Variants in NPHP4 observed in about 807,000 individuals in gnomAD.
The protein encoded by NPHP4 is nephrocystin 4.
Under a neutral mutation model 155.8 loss-of-function variants are expected in NPHP4, and 151 were observed. That is an observed-to-expected ratio of 0.97 (90% CI 0.85 to 1.11). The LOEUF is 1.11. Among genes scored for constraint, NPHP4 ranks in the 50% least tolerant of loss-of-function variants. The probability of loss-of-function intolerance (pLI) is 0.00; values close to 1 mark genes in which losing one functional copy is unlikely to be tolerated. For synonymous variants in NPHP4, 845 were observed against 816.8 expected, an observed-to-expected ratio of 1.03 and a Z score of -0.59; for missense variants, 1,956 against 1,925.7, an observed-to-expected ratio of 1.02 and a Z score of -0.29.
At chr1:5,977,538 A>C (rs1212357324) in intron 3 of NPHP4, among the ~76,000 whole-genome samples, 2 of 151,980 alleles carry the variant, frequency 1.3e-5, no homozygotes, top group Non-Finnish European at 1.5e-5. Context: ...TTACCTGCTC[A>C]GTGCGTCTCC....
chr1:5,990,029 T>G lies in NPHP4; in HGVS notation c.-39+2215A>C, dbSNP rs546697002. Among the ~76,000 whole-genome samples, 16 of 152,336 alleles carry G rather than the reference T, an allele frequency of 1.1e-4. No individual in the cohort carries two copies. In the East Asian group the frequency reaches 2.9e-3, roughly 28 times the overall value. Reference sequence around the variant, plus strand: ...GAGGCCGAGGTGACACCTGAGACTCTGCAGGTGGGAGCCCAAGCGCCCGCA... The same window carrying G: ...GAGGCCGAGGTGACACCTGAGACTCGGCAGGTGGGAGCCCAAGCGCCCGCA... On this transcript the variant is annotated intron_variant, in intron 1 of 29. Transcript: ENST00000378156.
intron 12 of NPHP4, 144 bp downstream of exon 12, chr1:5,909,008 G>A (rs1264962797): frequency 2.7e-6 from 2 of 732,134 alleles, no homozygotes; most frequent in Non-Finnish European, 4.9e-6. Flanking sequence ...GGGTAGGAGG[G>A]GACAGCCCCG....
At chr1:5,937,413 T>C (rs151136155) in intron 9 of NPHP4, among the ~76,000 whole-genome samples, 1 of 152,400 alleles carries the variant, frequency 6.6e-6, no homozygotes, top group African/African-American at 2.4e-5. Flanking sequence ...TGATGGCTTC[T>C]GTCCTCAGAT....
chr1:5,969,351 A>C, intron 3 of NPHP4, 92 bp from the exon 4 acceptor site: 1 of 719,392 alleles, frequency 1.4e-6, no homozygotes, highest in Non-Finnish European at 2.2e-6. Context: ...CCGCCTTCCT[A>C]CACGTGCCAC....
intron 20 of NPHP4, among the ~76,000 whole-genome samples, chr1:5,875,735 G>A (rs568013745): frequency 6.6e-6 from 1 of 152,352 alleles, no homozygotes; most frequent in East Asian, 1.9e-4. Context: ...AGGCTGCCTT[G>A]CAAGATCTCA....
At chr1:5,947,794 T>C (rs527365208) in intron 8 of NPHP4, among the ~76,000 whole-genome samples, 1 of 152,234 alleles carries the variant, frequency 6.6e-6, no homozygotes, top group Non-Finnish European at 1.5e-5. Flanking sequence ...GAAGGCAGCA[T>C]GCAAGGCCTC....
intron 11 of NPHP4, among the ~76,000 whole-genome samples, chr1:5,919,524 C>G (rs1645631606): frequency 6.6e-6 from 1 of 152,214 alleles, no homozygotes; most frequent in Non-Finnish European, 1.5e-5. Context: ...TGGCACATCA[C>G]AGACTCTCCG....
chr1:5,869,115 GCA>G (rs548954549), intron 23 of NPHP4, among the ~76,000 whole-genome samples: 101 of 115,442 alleles, frequency 8.7e-4, no homozygotes, highest in African/African-American at 2.9e-3. Flanking sequence ...GCACCCACAT[GCA>G]CACACGCACA....
Position 5,904,775 on chromosome 1 carries a change from C to A in NPHP4, c.1985G>T (p.Trp662Leu). ...GAAGGTGAAATACACAGTCTTTGGCCATGATGTTCCTCGGCAGTCCTGGGC... is the reference window on the plus strand; with the variant it reads ...GAAGGTGAAATACACAGTCTTTGGCAATGATGTTCCTCGGCAGTCCTGGGC... ...RVAQDCRGTS[W>L]PKTVYFTFQF... The change falls in exon 16 of 30, where the codon TGG (tryptophan) becomes TTG (leucine). Residue 662 changes from tryptophan (W) to leucine (L), a missense_variant. Coordinates refer to ENST00000378156, the MANE Select transcript of NPHP4 (RefSeq NM_015102.5). 1 of 1,613,984 alleles carries A rather than the reference C, an allele frequency of 6.2e-7. No homozygotes were observed. The highest frequency in any genetic ancestry group is 8.5e-7 in the Non-Finnish European group (1 of 1,179,898).
chr1:5,866,300 C>T (rs374572581), intron 26 of NPHP4, 73 bp downstream of exon 26: 1 of 994,986 alleles, frequency 1.0e-6, no homozygotes, highest in Non-Finnish European at 1.6e-6. Context: ...ACTTTCAATC[C>T]ACCAGCAGCC....
chr1:5,908,202 G>A (rs1645006985), intron 12 of NPHP4, among the ~76,000 whole-genome samples: 2 of 152,240 alleles, frequency 1.3e-5, no homozygotes, highest in South Asian at 4.1e-4. Context: ...GCTTCCCTCA[G>A]ACCCTATACG....
intron 16 of NPHP4, among the ~76,000 whole-genome samples, chr1:5,893,598 T>C (rs1210815189): frequency 6.6e-6 from 1 of 152,194 alleles, no homozygotes; most frequent in Non-Finnish European, 1.5e-5. Flanking sequence ...GAAGGCGGAC[T>C]AGGAGCGTGA....
intron 5 of NPHP4, among the ~76,000 whole-genome samples, chr1:5,964,100 G>A (rs1258222551): frequency 6.6e-6 from 1 of 152,188 alleles, no homozygotes; most frequent in Non-Finnish European, 1.5e-5. Context: ...AGTGCTTTCT[G>A]TGTACTGATA....
intron 19 of NPHP4, 102 bp downstream of exon 19, chr1:5,880,012 C>T: frequency 7.4e-7 from 1 of 1,348,470 alleles, no homozygotes. Flanking sequence ...TGCACACACA[C>T]ACACATGCAC....
At chr1:5,930,499 C>G (rs1187033306) in intron 10 of NPHP4, among the ~76,000 whole-genome samples, 2 of 152,200 alleles carry the variant, frequency 1.3e-5, no homozygotes, top group Admixed American at 1.3e-4. Flanking sequence ...GTTAAGTTCA[C>G]AATATCTTCT....
In NPHP4 at chr1:5,904,666, G is replaced by A. The variant is rs978109676; in HGVS notation, c.2094C>T (p.Ala698=). The change falls in exon 16 of 30, where the codon GCC becomes GCT. Residue 698 remains alanine (A), a synonymous_variant. Transcript: ENST00000378156. ...LDEAGQPSSG[A]LTHILVPVSR... ...TCACAGGCACGAGGATGTGGGTCAGGGCGCCAGAGCTGGGCTGGCCGGCCT... is the reference window on the plus strand; with the variant it reads ...TCACAGGCACGAGGATGTGGGTCAGAGCGCCAGAGCTGGGCTGGCCGGCCT... The A allele has an allele frequency of 6.2e-7, 1 of 1,613,840 alleles. No homozygotes were observed. The highest frequency in any genetic ancestry group is 1.1e-5 in the South Asian group (1 of 91,068).
intron 11 of NPHP4, among the ~76,000 whole-genome samples, chr1:5,911,216 C>T (rs561819215): frequency 1.3e-5 from 2 of 152,208 alleles, no homozygotes; most frequent in South Asian, 4.1e-4. Flanking sequence ...CCCCAGATTC[C>T]CTGAGTGCCT....
intron 21 of NPHP4, 74 bp from the exon 22 acceptor site, chr1:5,874,731 C>T: frequency 3.9e-6 from 6 of 1,541,716 alleles, no homozygotes; most frequent in Non-Finnish European, 5.3e-6. Context: ...GTCCCACCCA[C>T]CGAGAGCGGT....
rs539239618 is a variant in NPHP4, at chr1:5,889,747, C to T, written c.2304+1121G>A. ...ATGGGAGACGGACAAGCAAGGGCCA[C>T]GATGACCCTGTGGGGCCCTTGCCAT... is the stretch of plus-strand genomic sequence containing the variant. On this transcript the variant is annotated intron_variant, in intron 17 of 29. Coordinates refer to ENST00000378156, the MANE Select transcript of NPHP4 (RefSeq NM_015102.5). The surrounding 1 kb of genome is among the most constrained non-coding windows in gnomAD (Gnocchi z 4.2). Among the ~76,000 whole-genome samples the T allele has an allele frequency of 3.9e-5, 6 of 152,210 alleles. No individual in the cohort carries two copies. Among genetic ancestry groups the T allele is most frequent in the East Asian group, 3.9e-4 (2 of 5,192 alleles).
Sources: allele counts gnomAD v4.1 joint callset (sites outside exome capture counted in the v4.1 genomes callset), GRCh38; gene constraint gnomAD v4.1.1; non-coding constraint Gnocchi (gnomAD v3.1); transcripts MANE v1.5; gene names NCBI Gene and HGNC (gene_info 2026-07-23, HGNC 2026-07-21).